RAPGEF6: variants seen among roughly 807,000 people sequenced by gnomAD.
RAPGEF6 encodes PDZ domain containing guanine nucleotide exchange factor (GEF) 2.
RAPGEF6 carries 56 observed loss-of-function variants against 171.4 expected under a neutral mutation model. That is an observed-to-expected ratio of 0.33 (90% CI 0.26 to 0.41). The LOEUF is 0.41. Among genes scored for constraint, RAPGEF6 ranks in the 10% least tolerant of loss-of-function variants. RAPGEF6 has a pLI of 1.00. For missense variants in RAPGEF6, 1,674 were observed against 1,921.4 expected, an observed-to-expected ratio of 0.87 and a Z score of 2.41; for synonymous variants, 692 against 650.1, an observed-to-expected ratio of 1.06 and a Z score of -0.98.
At chr5:131,502,296 C>T (rs1381617404) in intron 11 of RAPGEF6, among the ~76,000 whole-genome samples, 2 of 151,932 alleles carry the variant, frequency 1.3e-5, no homozygotes, top group African/African-American at 2.4e-5. Context: ...TAAAAAGTGC[C>T]GAATAGAAGT....
chr5:131,485,322 C>A (rs2149864794), intron 15 of RAPGEF6, among the ~76,000 whole-genome samples: 1 of 152,308 alleles, frequency 6.6e-6, no homozygotes, highest in African/African-American at 2.4e-5. Flanking sequence ...AGACTGCCAG[C>A]TGTTTTCTTC....
intron 3 of RAPGEF6, among the ~76,000 whole-genome samples, chr5:131,593,163 G>C (rs1227166197): frequency 1.3e-5 from 2 of 152,030 alleles, no homozygotes; most frequent in Non-Finnish European, 2.9e-5. Context: ...TTTTACAGGG[G>C]CTGTGATAAA....
At chr5:131,483,227 T>C (rs937349395) in intron 15 of RAPGEF6, among the ~76,000 whole-genome samples, 2 of 151,480 alleles carry the variant, frequency 1.3e-5, no homozygotes, top group Non-Finnish European at 2.9e-5. Context: ...CGCATGCCTG[T>C]AATCCCAGTT....
chr5:131,521,356 C>T, intron 7 of RAPGEF6, 34 bp downstream of exon 7: 1 of 1,537,596 alleles, frequency 6.5e-7, no homozygotes, highest in Non-Finnish European at 8.7e-7. Flanking sequence ...ATAAAAAAAC[C>T]ATATACGCAG....
intron 20 of RAPGEF6, among the ~76,000 whole-genome samples, chr5:131,454,871 C>G (rs1012730546): frequency 4.6e-5 from 7 of 152,258 alleles, no homozygotes; most frequent in Non-Finnish European, 1.0e-4. Flanking sequence ...GTTAAAGCAA[C>G]AGCAAATAAA....
intron 6 of RAPGEF6, among the ~76,000 whole-genome samples, chr5:131,540,715 T>C (rs1235006226): frequency 3.3e-5 from 5 of 152,246 alleles, no homozygotes; most frequent in Admixed American, 1.3e-4. Flanking sequence ...ATCACATTTC[T>C]ATAAAAATGA....
intron 4 of RAPGEF6, among the ~76,000 whole-genome samples, chr5:131,569,366 A>T (rs1212470524): frequency 2.0e-5 from 3 of 152,238 alleles, no homozygotes; most frequent in Non-Finnish European, 4.4e-5. Context: ...CAAGACAGAA[A>T]AATAGTTAAA....
chr5:131,477,676 GA>G (rs1369272743), intron 16 of RAPGEF6, among the ~76,000 whole-genome samples: 2 of 152,180 alleles, frequency 1.3e-5, no homozygotes, highest in South Asian at 4.1e-4. Flanking sequence ...CAGCTGGTGA[GA>G]ATGTGATAGT....
rs1405305413 is a variant in RAPGEF6, at chr5:131,489,241, G to A, written c.1840+305C>T. ...GATTATGACTTCTTAGTTTTATTCC[G>A]GACATTCTATATTTCATTCAGTATC... On this transcript the variant is annotated intron_variant, in intron 15 of 27. Transcript: ENST00000509018. Among the ~76,000 whole-genome samples the A allele has an allele frequency of 3.3e-5, 5 of 151,986 alleles. No individual in the cohort carries two copies. In the East Asian group the frequency reaches 5.8e-4, roughly 18 times the overall value.
Position 131,540,784 on chromosome 5 carries a change from T to TGA in RAPGEF6, c.495+7261_495+7262dup, listed in dbSNP as rs537724668. Among the ~76,000 whole-genome samples, 57 of 152,354 alleles carry TGA rather than the reference T, an allele frequency of 3.7e-4. 1 individual carries two copies. The South Asian group carries it at 0.012, about 31-fold the overall frequency. ...GTTAAATAAAGGCACACTTGGTGCT[T>TGA]GACCTTGGTGAAACCAAGATGTTTC... On this transcript the variant is annotated intron_variant, in intron 6 of 27. Coordinates refer to ENST00000509018, the MANE Select transcript of RAPGEF6 (RefSeq NM_016340.6).
intron 1 of RAPGEF6, among the ~76,000 whole-genome samples, chr5:131,606,853 G>C (rs934891482): frequency 6.6e-6 from 1 of 152,232 alleles, no homozygotes; most frequent in Non-Finnish European, 1.5e-5. Context: ...TACTAGATAT[G>C]TAAGTTATGC....
At chr5:131,607,420 G>C (rs1764669159) in intron 1 of RAPGEF6, among the ~76,000 whole-genome samples, 1 of 152,100 alleles carries the variant, frequency 6.6e-6, no homozygotes, top group Non-Finnish European at 1.5e-5. Context: ...TGCTGAAGCT[G>C]ATTAAGCCTC....
At chr5:131,477,386 A>G (rs1268803338) in intron 16 of RAPGEF6, among the ~76,000 whole-genome samples, 2 of 152,228 alleles carry the variant, frequency 1.3e-5, no homozygotes, top group Non-Finnish European at 2.9e-5. Context: ...ATTCATATTT[A>G]TATTCATAAC....
chr5:131,602,604 T>C (rs1239561361), intron 3 of RAPGEF6, among the ~76,000 whole-genome samples: 1 of 152,026 alleles, frequency 6.6e-6, no homozygotes, highest in Non-Finnish European at 1.5e-5. Context: ...CTACTAAAGA[T>C]ACAAAAAGTA....
intron 1 of RAPGEF6, among the ~76,000 whole-genome samples, chr5:131,613,476 T>C (rs941410710): frequency 2.0e-5 from 3 of 151,966 alleles, no homozygotes; most frequent in Non-Finnish European, 4.4e-5. Context: ...TATGTCAGCA[T>C]TATTCCTGTC....
chr5:131,600,035 A>T (rs1198766589), intron 3 of RAPGEF6, among the ~76,000 whole-genome samples: 1 of 152,242 alleles, frequency 6.6e-6, no homozygotes, highest in Non-Finnish European at 1.5e-5. Context: ...TTATCTGAAA[A>T]GAACTTTCCC....
chr5:131,633,490 G>A (rs533989444), intron 1 of RAPGEF6, among the ~76,000 whole-genome samples: 9 of 152,144 alleles, frequency 5.9e-5, no homozygotes, highest in Admixed American at 1.3e-4. Context: ...AGCACTTTGG[G>A]AGGCCAACGC....
At chr5:131,458,181 C>T (rs1236689970) in intron 19 of RAPGEF6, among the ~76,000 whole-genome samples, 2 of 152,196 alleles carry the variant, frequency 1.3e-5, no homozygotes, top group African/African-American at 2.4e-5. Flanking sequence ...CCAAATTTCA[C>T]GTGGAATTGT....
At chr5:131,595,036 C>T (rs1204682204) in intron 3 of RAPGEF6, among the ~76,000 whole-genome samples, 1 of 152,050 alleles carries the variant, frequency 6.6e-6, no homozygotes, top group Non-Finnish European at 1.5e-5. Context: ...GCTGGGAAGG[C>T]ATGATTGGTT....
Sources: allele counts gnomAD v4.1 joint callset (sites outside exome capture counted in the v4.1 genomes callset), GRCh38; gene constraint gnomAD v4.1.1; transcripts MANE v1.5; gene names NCBI Gene and HGNC (gene_info 2026-07-23, HGNC 2026-07-21).